ALKAL1: variants seen among roughly 807,000 people sequenced by gnomAD.
ALKAL1 encodes ALK and LTK ligand 1, also known as AUG-beta.
Under a neutral mutation model 13.5 loss-of-function variants are expected in ALKAL1, and 23 were observed. The observed-to-expected ratio is 1.70, with a 90% CI of 1.23 to 2.41. The LOEUF (loss-of-function observed/expected upper bound fraction) is 2.41, where lower values mean the gene tolerates loss of function less well. Ranked by LOEUF, ALKAL1 falls within the 30% of genes most tolerant of loss-of-function variation. The pLI, the probability that ALKAL1 is intolerant of heterozygous loss-of-function variation, is 0.00. For missense variants in ALKAL1, 181 were observed against 178.4 expected (o/e 1.01, Z -0.08); for synonymous variants, 85 against 77.7 (o/e 1.09, Z -0.49).
rs59483863 is a variant in ALKAL1 at position 52,556,646 on chromosome 8, CAAAAAAAAAA to C, written c.190+8411_190+8420del. The stretch of plus-strand genomic sequence containing the variant: ...TGGGCGACAGAGCGAAACTCTGTCT[CAAAAAAAAAA>C]AAAAAAAAAAAAAAAAAAGATTGGA... On this transcript the variant is annotated intron_variant, in intron 1 of 4. Coordinates refer to ENST00000358543, the MANE Select transcript of ALKAL1 (RefSeq NM_207413.4). Among the ~76,000 whole-genome samples, 18 of 51,368 alleles carry C rather than the reference CAAAAAAAAAA, an allele frequency of 3.5e-4. 1 individual carries two copies. The highest frequency in any genetic ancestry group is 1.0e-3 in the Admixed American group (4 of 3,966). 33.7% of individuals were successfully genotyped at this position (51,368 alleles called of 152,430 possible).
In ALKAL1 at chr8:52,556,646, C is replaced by CAAAA. The variant is rs59483863; in HGVS notation, c.190+8417_190+8420dup. 6.4e-4 allele frequency among the ~76,000 whole-genome samples: 33 copies of CAAAA among 51,362 alleles called. 2 individuals carry two copies. The highest frequency in any genetic ancestry group is 1.5e-3 in the African/African-American group (17 of 11,150). 33.7% of individuals were successfully genotyped at this position (51,362 alleles called of 152,430 possible). On this transcript the variant is annotated intron_variant, in intron 1 of 4. Coordinates refer to ENST00000358543, the MANE Select transcript of ALKAL1 (RefSeq NM_207413.4). ...TGGGCGACAGAGCGAAACTCTGTCT[C>CAAAA]AAAAAAAAAAAAAAAAAAAAAAAAA...
At chr8:52,538,104 G>T (rs1243324050) in intron 4 of ALKAL1, among the ~76,000 whole-genome samples, 3 of 148,302 alleles carry the variant, frequency 2.0e-5, no homozygotes, top group Non-Finnish European at 3.0e-5. Flanking sequence ...AAAAAAAAAA[G>T]GCTAAAGAGG....
chr8:52,536,141 G>A (rs1847265191), intron 4 of ALKAL1, among the ~76,000 whole-genome samples: 1 of 152,172 alleles, frequency 6.6e-6, no homozygotes, highest in African/African-American at 2.4e-5. Context: ...GTTTCACCAT[G>A]TTGGCCAAGC....
At chr8:52,546,883 C>T (rs1252857316) in intron 1 of ALKAL1, among the ~76,000 whole-genome samples, 4 of 151,666 alleles carry the variant, frequency 2.6e-5, no homozygotes, top group Non-Finnish European at 5.9e-5. Flanking sequence ...GCTGACTTTT[C>T]TTTGCACACT....
chr8:52,560,212 A>T (rs10110349), intron 1 of ALKAL1, among the ~76,000 whole-genome samples: 112,466 of 152,036 alleles, frequency 0.74, 41,715 homozygotes, highest in East Asian at 0.9. Flanking sequence ...TCCAAGTAAA[A>T]CACATTTAAT....
rs1273973684 is a variant in ALKAL1, at chr8:52,565,046, G to C, written c.190+21C>G. The C allele has an allele frequency of 9.5e-6, 13 of 1,366,898 alleles. No individual in the cohort carries two copies. In the South Asian group the frequency reaches 2.1e-4, roughly 22 times the overall value. 84.7% of individuals were successfully genotyped at this position (1,366,898 alleles called of 1,614,324 possible). ...GCCCCAGGCGCAGGGCAAAGGATGG[G>C]GCGGGATGGGGACATCGTACCTGCG... On this transcript the variant is annotated intron_variant, in intron 1 of 4. Coordinates refer to ENST00000358543, the MANE Select transcript of ALKAL1 (RefSeq NM_207413.4).
rs536008632 is a variant in ALKAL1 at position 52,555,133 on chromosome 8, T to C, written c.190+9934A>G. On this transcript the variant is annotated intron_variant, in intron 1 of 4. Coordinates refer to ENST00000358543, the MANE Select transcript of ALKAL1 (RefSeq NM_207413.4). Reference sequence around the variant, plus strand: ...TTGCAGTGAGCCGAGATTGCGCCACTGCACTCCAGCCTGGGTGACAGAGCG... The same window carrying C: ...TTGCAGTGAGCCGAGATTGCGCCACCGCACTCCAGCCTGGGTGACAGAGCG... Among the ~76,000 whole-genome samples the C allele has an allele frequency of 1.2e-3, 175 of 147,378 alleles. 1 individual carries two copies. The highest frequency in any genetic ancestry group is 4.3e-3 in the African/African-American group (170 of 39,626).
chr8:52,538,857 C>G (rs1409766666), intron 3 of ALKAL1, among the ~76,000 whole-genome samples: 6 of 152,030 alleles, frequency 3.9e-5, no homozygotes, highest in Admixed American at 3.9e-4. Context: ...CCATTTAATA[C>G]AAGTTGTTTT....
intron 1 of ALKAL1, among the ~76,000 whole-genome samples, chr8:52,545,148 C>A (rs1023461857): frequency 5.3e-5 from 8 of 152,070 alleles, no homozygotes; most frequent in African/African-American, 1.4e-4. Flanking sequence ...ATCTCAGGAC[C>A]CCAAAATCAC....
At chr8:52,562,804 T>C (rs1044350626) in intron 1 of ALKAL1, among the ~76,000 whole-genome samples, 1 of 152,146 alleles carries the variant, frequency 6.6e-6, no homozygotes. Flanking sequence ...TGAGAGTCCT[T>C]GGCCTCCCGG....
chr8:52,546,821 C>T (rs1278081553), intron 1 of ALKAL1, among the ~76,000 whole-genome samples: 2 of 152,176 alleles, frequency 1.3e-5, no homozygotes, highest in African/African-American at 2.4e-5. Flanking sequence ...GTGAGGGGCA[C>T]CCTTTCTGCA....
intron 4 of ALKAL1, among the ~76,000 whole-genome samples, chr8:52,535,918 T>C (rs1847262458): frequency 6.6e-6 from 1 of 151,746 alleles, no homozygotes; most frequent in African/African-American, 2.4e-5. Context: ...TCATGAGTAA[T>C]CTTAGACTAC....
intron 4 of ALKAL1, among the ~76,000 whole-genome samples, chr8:52,536,956 T>C (rs1183334948): frequency 1.3e-5 from 2 of 152,226 alleles, no homozygotes; most frequent in African/African-American, 4.8e-5. Flanking sequence ...ATTAAGTTCA[T>C]GGGTATTGCT....
At chr8:52,546,062 T>C (rs1372846103) in intron 1 of ALKAL1, among the ~76,000 whole-genome samples, 2 of 152,200 alleles carry the variant, frequency 1.3e-5, no homozygotes, top group African/African-American at 2.4e-5. Flanking sequence ...AACATATCTA[T>C]ACATAGAAAA....
At chr8:52,556,646 CAAAAAAAAAAAAAAAAAA>C (rs59483863) in intron 1 of ALKAL1, among the ~76,000 whole-genome samples, 3 of 51,372 alleles carry the variant, frequency 5.8e-5, no homozygotes, top group South Asian at 8.8e-4. Flanking sequence ...AACTCTGTCT[CAAAAAAAAAAAAAAAAAA>C]AAAAAAAAAA....
chr8:52,543,564 C>T (rs376287058), intron 1 of ALKAL1, among the ~76,000 whole-genome samples: 1 of 152,194 alleles, frequency 6.6e-6, no homozygotes, highest in East Asian at 1.9e-4. Flanking sequence ...GGAGCTCCCC[C>T]ACCATTTGAC....
chr8:52,560,147 A>G (rs1847532953), intron 1 of ALKAL1, among the ~76,000 whole-genome samples: 1 of 152,164 alleles, frequency 6.6e-6, no homozygotes, highest in Non-Finnish European at 1.5e-5. Flanking sequence ...TGTGTTCAAC[A>G]GAGAAAGAAA....
intron 1 of ALKAL1, among the ~76,000 whole-genome samples, chr8:52,564,166 G>A (rs1271310314): frequency 6.6e-6 from 1 of 152,158 alleles, no homozygotes; most frequent in Admixed American, 6.5e-5. Context: ...TCCCAAGCCC[G>A]GTGGAGGCCA....
chr8:52,562,979 T>G (rs974300266), intron 1 of ALKAL1, among the ~76,000 whole-genome samples: 10 of 152,236 alleles, frequency 6.6e-5, no homozygotes, highest in African/African-American at 2.4e-4. Context: ...ACGGATGTCA[T>G]GAGCCACCCT....
Sources: gnomAD v4.1 joint callset for allele counts (sites outside exome capture counted in the v4.1 genomes callset) on GRCh38, gnomAD v4.1.1 for gene constraint, MANE v1.5 for transcripts, NCBI Gene and HGNC (gene_info 2026-07-23, HGNC 2026-07-21) for gene names.